Variants in LRRC8D observed in about 807,000 individuals in gnomAD.
LRRC8D encodes leucine rich repeat containing 8 VRAC subunit D, also known as volume-regulated anion channel subunit LRRC8D.
LRRC8D carries 20 observed loss-of-function variants against 55.8 expected under a neutral mutation model. The observed-to-expected ratio is 0.36, with a 90% CI of 0.25 to 0.52. The LOEUF (loss-of-function observed/expected upper bound fraction) is 0.52. LRRC8D is among the 20% of genes least tolerant of loss of function. The pLI is 0.93. For synonymous variants in LRRC8D, 352 were observed against 377.0 expected (o/e 0.93, Z 0.77); for missense variants, 651 against 1,030.8 (o/e 0.63, Z 5.05).
chr1:89,931,420 T>C (rs1262594663), intron 2 of LRRC8D, among the ~76,000 whole-genome samples: 3 of 152,078 alleles, frequency 2.0e-5, no homozygotes, highest in Non-Finnish European at 4.4e-5. Context: ...AGAATCAGCC[T>C]CAGAATCCTC....
intron 2 of LRRC8D, among the ~76,000 whole-genome samples, chr1:89,910,294 G>A (rs1044007952): frequency 3.9e-5 from 6 of 152,172 alleles, no homozygotes; most frequent in Non-Finnish European, 5.9e-5. Context: ...CTTGTAACAA[G>A]TTTCTTGGCT....
intron 2 of LRRC8D, among the ~76,000 whole-genome samples, chr1:89,930,179 G>A (rs1293109329): frequency 1.3e-5 from 2 of 152,106 alleles, no homozygotes; most frequent in Non-Finnish European, 2.9e-5. Flanking sequence ...CCAGTGATTA[G>A]TGCTCTGTAT....
At chr1:89,823,769 A>G (rs985880083) in intron 1 of LRRC8D, among the ~76,000 whole-genome samples, 6 of 152,212 alleles carry the variant, frequency 3.9e-5, no homozygotes, top group East Asian at 1.9e-4. Context: ...ACAGGCACAC[A>G]TGAGGATGCC....
intron 1 of LRRC8D, among the ~76,000 whole-genome samples, chr1:89,828,828 C>T (rs189673113): frequency 1.3e-5 from 2 of 152,142 alleles, no homozygotes; most frequent in Admixed American, 1.3e-4. Context: ...AGCTTCACTT[C>T]CCCAACAATG....
At chr1:89,821,402 A>T (rs1660627429) in intron 1 of LRRC8D, 111 bp downstream of exon 1, 1 of 152,030 alleles carries the variant, frequency 6.6e-6, no homozygotes, top group Admixed American at 6.5e-5. Flanking sequence ...CCGCGGCCCG[A>T]GCTGCGGTTG....
chr1:89,849,654 C>T (rs542737550), intron 2 of LRRC8D, among the ~76,000 whole-genome samples: 51 of 152,120 alleles, frequency 3.4e-4, no homozygotes, highest in African/African-American at 1.2e-3. Flanking sequence ...ATTTAATTTC[C>T]CTTTTCCATG....
intron 2 of LRRC8D, among the ~76,000 whole-genome samples, chr1:89,908,010 T>C (rs1472514249): frequency 6.6e-6 from 1 of 152,210 alleles, no homozygotes; most frequent in African/African-American, 2.4e-5. Flanking sequence ...CAGAAATGTT[T>C]TTAAATGATG....
chr1:89,826,990 C>T (rs1196508340), intron 1 of LRRC8D, among the ~76,000 whole-genome samples: 1 of 152,146 alleles, frequency 6.6e-6, no homozygotes, highest in African/African-American at 2.4e-5. Flanking sequence ...TCTGAAAATA[C>T]CTTCATGTTG....
chr1:89,892,892 A>G (rs1362037362), intron 2 of LRRC8D, among the ~76,000 whole-genome samples: 1 of 152,248 alleles, frequency 6.6e-6, no homozygotes, highest in East Asian at 1.9e-4. Flanking sequence ...GAAATCAAGT[A>G]AAATTCAATC....
intron 2 of LRRC8D, among the ~76,000 whole-genome samples, chr1:89,903,387 G>A (rs1662911914): frequency 6.6e-6 from 1 of 152,122 alleles, no homozygotes; most frequent in South Asian, 2.1e-4. Flanking sequence ...CTCTGTAACG[G>A]CATCTTTTCA....
intron 1 of LRRC8D, among the ~76,000 whole-genome samples, chr1:89,842,697 ACT>A (rs758412957): frequency 3.4e-4 from 51 of 152,164 alleles, no homozygotes; most frequent in Admixed American, 5.2e-4. Context: ...TAGCCAGCAC[ACT>A]CTACATACAG....
chr1:89,847,503 G>A (rs1017808337), intron 2 of LRRC8D, among the ~76,000 whole-genome samples: 4 of 152,130 alleles, frequency 2.6e-5, no homozygotes, highest in African/African-American at 9.7e-5. Flanking sequence ...AACCAGCCGT[G>A]CATCTCTTCC....
intron 2 of LRRC8D, among the ~76,000 whole-genome samples, chr1:89,927,954 C>T (rs907021764): frequency 6.6e-6 from 1 of 152,180 alleles, no homozygotes; most frequent in South Asian, 2.1e-4. Context: ...CACTAAATGC[C>T]ATCTGTGTTC....
chr1:89,861,108 G>C (rs557011695), intron 2 of LRRC8D, among the ~76,000 whole-genome samples: 173 of 152,212 alleles, frequency 1.1e-3, no homozygotes, highest in Middle Eastern at 3.4e-3. Context: ...GGCCAAGGGA[G>C]TAGAGAGATT....
At chr1:89,830,903 C>CTTTTT (rs1178734654) in intron 1 of LRRC8D, among the ~76,000 whole-genome samples, 2 of 135,814 alleles carry the variant, frequency 1.5e-5, no homozygotes, top group Non-Finnish European at 3.2e-5. Context: ...GCACAATACA[C>CTTTTT]TTTTTTTTTT....
intron 1 of LRRC8D, among the ~76,000 whole-genome samples, chr1:89,826,914 G>A (rs537955871): frequency 5.3e-5 from 8 of 152,260 alleles, no homozygotes; most frequent in African/African-American, 1.9e-4. Context: ...TAGGTGGTTG[G>A]GTATTAAGGG....
At chr1:89,917,342 C>T (rs1663301245) in intron 2 of LRRC8D, among the ~76,000 whole-genome samples, 1 of 152,144 alleles carries the variant, frequency 6.6e-6, no homozygotes, top group Non-Finnish European at 1.5e-5. Context: ...AATCTGTATG[C>T]TAAGCCCAGA....
intron 2 of LRRC8D, among the ~76,000 whole-genome samples, chr1:89,929,517 A>G (rs1037376069): frequency 9.2e-5 from 14 of 152,228 alleles, no homozygotes; most frequent in African/African-American, 3.1e-4. Flanking sequence ...TGTAAAAGAC[A>G]AATAACCAAT....
At chr1:89,850,163 G>T (rs578223707) in intron 2 of LRRC8D, among the ~76,000 whole-genome samples, 1 of 152,234 alleles carries the variant, frequency 6.6e-6, no homozygotes, top group African/African-American at 2.4e-5. Context: ...CAGAGTTTTG[G>T]TGCTACCCCT....
Sources: allele counts gnomAD v4.1 joint callset (sites outside exome capture counted in the v4.1 genomes callset), GRCh38; gene constraint gnomAD v4.1.1; transcripts MANE v1.5; gene names NCBI Gene and HGNC (gene_info 2026-07-23, HGNC 2026-07-21).